PINX1: variants seen among roughly 807,000 people sequenced by gnomAD.
PINX1 encodes the protein PIN2 (TERF1) interacting telomerase inhibitor 1.
In PINX1, 34 loss-of-function variants were observed where a neutral mutation model predicts 25.4. That is an observed-to-expected ratio of 1.34 (90% CI 1.02 to 1.78). The LOEUF is 1.78. Among genes scored for constraint, PINX1 ranks in the 40% most tolerant of loss-of-function variants. The pLI is 0.00. For synonymous variants in PINX1, 197 were observed against 147.7 expected (o/e 1.33, Z -2.42); for missense variants, 592 against 404.9 (o/e 1.46, Z -3.97).
chr8:10,820,182 TG>T lies in PINX1; in HGVS notation c.471+10del. The T allele has an allele frequency of 6.4e-7, 1 of 1,564,572 alleles. No individual in the cohort carries two copies. Among genetic ancestry groups the T allele is most frequent in the Non-Finnish European group, 8.8e-7 (1 of 1,135,334 alleles). On this transcript the variant is annotated intron_variant, in intron 6 of 6. Coordinates refer to ENST00000314787, the MANE Select transcript of PINX1 (RefSeq NM_017884.6). ...TAAAGCGGAACACGGAAACTGTACG[TG>T]GCTTTATACCTCGGGAGTCTTCTTA... is the stretch of plus-strand genomic sequence containing the variant.
chr8:10,839,564 C>G lies in PINX1; in HGVS notation c.19+174G>C, dbSNP rs1478945133. 13 of 644,420 alleles carry G rather than the reference C, an allele frequency of 2.0e-5. No individual in the cohort carries two copies. In the African/African-American group the frequency reaches 2.2e-4, roughly 11 times the overall value. 39.9% of individuals were successfully genotyped at this position (644,420 alleles called of 1,614,324 possible). Reference sequence around the variant, plus strand: ...CACTAGCAGACCTGCGGCCAACTTTCGGGGAGCTCTGCGGCGAGCAGGACA... The same window carrying G: ...CACTAGCAGACCTGCGGCCAACTTTGGGGGAGCTCTGCGGCGAGCAGGACA... On this transcript the variant is annotated intron_variant, in intron 1 of 6. Coordinates refer to ENST00000314787, the MANE Select transcript of PINX1 (RefSeq NM_017884.6).
rs762596267 is a variant in PINX1 at position 10,816,019 on chromosome 8, AT to A, written c.471+4173del. Among the ~76,000 whole-genome samples the A allele has an allele frequency of 4.6e-5, 7 of 152,160 alleles. 1 individual carries two copies. The highest frequency in any genetic ancestry group is 2.0e-4 in the Admixed American group (3 of 15,278). ...CTGTACACACGATATTCCACTCCTA[AT>A]CAGACGATTCTGTCGGCAGCTGTGA... is the stretch of plus-strand genomic sequence containing the variant. On this transcript the variant is annotated intron_variant, in intron 6 of 6. Coordinates refer to ENST00000314787, the MANE Select transcript of PINX1 (RefSeq NM_017884.6).
chr8:10,782,142 T>C (rs1801605369), intron 6 of PINX1, among the ~76,000 whole-genome samples: 1 of 151,100 alleles, frequency 6.6e-6, no homozygotes. Context: ...AAATAGAGAG[T>C]AAGATAAAAT....
chr8:10,816,016 C>T (rs184492110), intron 6 of PINX1, among the ~76,000 whole-genome samples: 1 of 152,292 alleles, frequency 6.6e-6, no homozygotes, highest in African/African-American at 2.4e-5. Context: ...TATTCCACTC[C>T]TAATCAGACG....
At chr8:10,782,089 G>A (rs1489379605) in intron 6 of PINX1, among the ~76,000 whole-genome samples, 2 of 152,162 alleles carry the variant, frequency 1.3e-5, no homozygotes, top group Admixed American at 6.5e-5. Flanking sequence ...AAACCAGACA[G>A]GAAAGAAAAA....
intron 6 of PINX1, among the ~76,000 whole-genome samples, chr8:10,766,874 C>A (rs576359914): frequency 7.5e-4 from 114 of 152,226 alleles, no homozygotes; most frequent in South Asian, 1.2e-3. Flanking sequence ...ATGCTGGAAT[C>A]GCCATTTGGG....
chr8:10,821,842 T>C (rs1797887445), intron 5 of PINX1: 1 of 152,140 alleles, frequency 6.6e-6, no homozygotes, highest in South Asian at 2.1e-4. Flanking sequence ...CTATAGCAAT[T>C]TGACTAAAAG....
chr8:10,775,622 G>A (rs1801367690), intron 6 of PINX1, among the ~76,000 whole-genome samples: 2 of 152,040 alleles, frequency 1.3e-5, no homozygotes, highest in African/African-American at 4.8e-5. Context: ...CTTGTCTATG[G>A]ACCATAATTT....
At chr8:10,783,897 C>T (rs4321967) in intron 6 of PINX1, among the ~76,000 whole-genome samples, 91,784 of 152,060 alleles carry the variant, frequency 0.6, 28,927 homozygotes, top group African/African-American at 0.78. Context: ...TTTTAAGACA[C>T]AGATGACTAG....
chr8:10,794,231 G>A (rs937285726), intron 6 of PINX1, among the ~76,000 whole-genome samples: 10 of 151,920 alleles, frequency 6.6e-5, no homozygotes, highest in African/African-American at 1.9e-4. Flanking sequence ...AATCTATCAC[G>A]ATTAAAATTT....
chr8:10,793,209 T>G (rs1158567732), intron 6 of PINX1, among the ~76,000 whole-genome samples: 1 of 152,176 alleles, frequency 6.6e-6, no homozygotes, highest in Non-Finnish European at 1.5e-5. Context: ...AGTGTCTGCA[T>G]CCTCTAAACT....
chr8:10,802,196 C>G (rs1475859492), intron 6 of PINX1, among the ~76,000 whole-genome samples: 6 of 152,202 alleles, frequency 3.9e-5, no homozygotes, highest in African/African-American at 1.4e-4. Flanking sequence ...AAGCCTGCAG[C>G]ATTCAATGCC....
At chr8:10,832,769 G>A (rs547716904) in intron 3 of PINX1, 123 bp downstream of exon 3, 3 of 582,990 alleles carry the variant, frequency 5.1e-6, no homozygotes, top group African/African-American at 1.9e-5. Flanking sequence ...TGTTCAAGAG[G>A]AAACGTGAAT....
chr8:10,792,560 G>A (rs1801958152), intron 6 of PINX1, among the ~76,000 whole-genome samples: 1 of 152,054 alleles, frequency 6.6e-6, no homozygotes, highest in Non-Finnish European at 1.5e-5. Flanking sequence ...AGTGGTTCTG[G>A]GAGAAACAGA....
intron 6 of PINX1, among the ~76,000 whole-genome samples, chr8:10,802,529 T>A (rs7006707): frequency 1.3e-5 from 2 of 152,170 alleles, no homozygotes; most frequent in Non-Finnish European, 2.9e-5. Flanking sequence ...GAAACTCCTA[T>A]CTCTTTGCCA....
chr8:10,793,552 C>T (rs909372087), intron 6 of PINX1, among the ~76,000 whole-genome samples: 7 of 152,236 alleles, frequency 4.6e-5, no homozygotes, highest in East Asian at 1.9e-4. Context: ...GCAGCCCACC[C>T]GCCATGGGCT....
intron 6 of PINX1, among the ~76,000 whole-genome samples, chr8:10,781,301 G>A (rs879430152): frequency 2.0e-5 from 3 of 152,098 alleles, no homozygotes; most frequent in Non-Finnish European, 4.4e-5. Context: ...CAATAATGTG[G>A]ATATCACACC....
rs1012841612 is a variant in PINX1, at chr8:10,790,583, G to C, written c.472-24667C>G. Among the ~76,000 whole-genome samples, 5 of 152,110 alleles carry C rather than the reference G, an allele frequency of 3.3e-5. No homozygotes were observed. In the East Asian group the frequency reaches 7.8e-4, roughly 24 times the overall value. On this transcript the variant is annotated intron_variant, in intron 6 of 6. Coordinates refer to ENST00000314787, the MANE Select transcript of PINX1 (RefSeq NM_017884.6). ...CCATACTGTCAGCCCCCAATCCCAG[G>C]GCCTCGACCTCCCAACATGACTCCA...
At chr8:10,820,039 T>C (rs1797817660) in intron 6 of PINX1, among the ~76,000 whole-genome samples, 154 bp downstream of exon 6, 1 of 152,188 alleles carries the variant, frequency 6.6e-6, no homozygotes. Flanking sequence ...ACTAATATTA[T>C]GAAAAGGATC....
Sources: allele counts gnomAD v4.1 joint callset (sites outside exome capture counted in the v4.1 genomes callset), GRCh38; gene constraint gnomAD v4.1.1; transcripts MANE v1.5; gene names NCBI Gene and HGNC (gene_info 2026-07-23, HGNC 2026-07-21).